Variants in STAP1 observed in about 807,000 individuals in gnomAD.
STAP1 encodes the protein signal transducing adaptor family member 1.
In STAP1, 30 loss-of-function variants were observed where a neutral mutation model predicts 37.8. The observed-to-expected ratio is 0.79, with a 90% confidence interval of 0.59 to 1.08. STAP1 has a LOEUF of 1.08. STAP1 is among the 50% of genes least tolerant of loss of function. The pLI is 0.00. For synonymous variants in STAP1, 130 were observed against 116.0 expected (o/e 1.12, Z -0.78); for missense variants, 357 against 349.4 (o/e 1.02, Z -0.17).
chr4:67,563,335 T>C (rs1374901487), intron 1 of STAP1, among the ~76,000 whole-genome samples: 1 of 152,214 alleles, frequency 6.6e-6, no homozygotes, highest in Non-Finnish European at 1.5e-5. Flanking sequence ...ATGGATCCCA[T>C]TCTAGGCTCT....
chr4:67,593,937 T>C (rs1728172345), intron 8 of STAP1, among the ~76,000 whole-genome samples: 1 of 152,170 alleles, frequency 6.6e-6, no homozygotes, highest in Admixed American at 6.5e-5. Flanking sequence ...TGTTCATAAA[T>C]TAAGAATTTC....
chr4:67,565,542 G>A (rs1309434557), intron 1 of STAP1, among the ~76,000 whole-genome samples: 2 of 152,198 alleles, frequency 1.3e-5, no homozygotes, highest in Non-Finnish European at 2.9e-5. Context: ...TGCCAATAAT[G>A]TGAGTGTTGA....
chr4:67,585,367 A>C (rs1223675226), intron 6 of STAP1, among the ~76,000 whole-genome samples: 1 of 152,260 alleles, frequency 6.6e-6, no homozygotes, highest in Non-Finnish European at 1.5e-5. Context: ...ACTTCCAGAG[A>C]CAAATTTAAA....
chr4:67,575,588 G>A, intron 3 of STAP1, 90 bp downstream of exon 3: 1 of 933,610 alleles, frequency 1.1e-6, no homozygotes, highest in South Asian at 1.6e-5. Context: ...GAAATTGTAA[G>A]ACAGGCTAAG....
At position 67,590,979 on chromosome 4, in the gene STAP1, G is replaced by A. The variant is rs1728108554; in HGVS notation, c.729+26G>A. 4 of 1,584,098 alleles carry A rather than the reference G, an allele frequency of 2.5e-6. No homozygotes were observed. The African/African-American group carries it at 4.0e-5, about 16-fold the overall frequency. On this transcript the variant is annotated intron_variant, in intron 7 of 8. Transcript: ENST00000265404. ...GTAAGTAACTATTTTTGTTGTTGTT[G>A]ATGAACTTCCTCCCGATTCCTTATA...
Position 67,595,372 on chromosome 4 carries a change from CAAAAAAA to C in STAP1, c.826+2039_826+2045del, listed in dbSNP as rs34185676. 3.6e-3 allele frequency among the ~76,000 whole-genome samples: 316 copies of C among 87,792 alleles called. 1 individual carries two copies. The highest frequency in any genetic ancestry group is 0.013 in the African/African-American group (294 of 21,958). The allele number at this position is 87,792 out of a possible 152,430, so 57.6% of individuals were successfully genotyped here. On this transcript the variant is annotated intron_variant, in intron 8 of 8. Coordinates refer to ENST00000265404, the MANE Select transcript of STAP1 (RefSeq NM_012108.4). ...GCAACATAGGGAGACTTCGTTTCTA[CAAAAAAA>C]AAAAAAAAAAAAAAAAAAAAAATGC...
chr4:67,593,531 A>G (rs1242891148), intron 8 of STAP1, among the ~76,000 whole-genome samples, 175 bp downstream of exon 8: 1 of 152,246 alleles, frequency 6.6e-6, no homozygotes, highest in African/African-American at 2.4e-5. Flanking sequence ...GAAAGTACCA[A>G]TATGTATTAT....
At chr4:67,568,324 T>C (rs1727518699) in intron 1 of STAP1, among the ~76,000 whole-genome samples, 1 of 152,216 alleles carries the variant, frequency 6.6e-6, no homozygotes, top group Non-Finnish European at 1.5e-5. Context: ...AATATCATGA[T>C]GGTTCAATAA....
At chr4:67,595,935 C>G (rs1728214721) in intron 8 of STAP1, among the ~76,000 whole-genome samples, 1 of 152,062 alleles carries the variant, frequency 6.6e-6, no homozygotes, top group Non-Finnish European at 1.5e-5. Flanking sequence ...TCCTTGATTT[C>G]TTTCATAGTA....
At chr4:67,599,862 G>C in intron 8 of STAP1, among the ~76,000 whole-genome samples, 1 of 151,870 alleles carries the variant, frequency 6.6e-6, no homozygotes, top group Admixed American at 6.6e-5. Flanking sequence ...GGCTGGTCTC[G>C]AACTCCTGAC....
At chr4:67,575,032 A>G (rs1354411443) in intron 2 of STAP1, among the ~76,000 whole-genome samples, 3 of 152,218 alleles carry the variant, frequency 2.0e-5, no homozygotes, top group African/African-American at 7.2e-5. Flanking sequence ...CATAGAGAAC[A>G]GTAAAATATA....
intron 8 of STAP1, among the ~76,000 whole-genome samples, chr4:67,596,118 G>A (rs1032528693): frequency 3.8e-4 from 57 of 151,682 alleles, no homozygotes; most frequent in Middle Eastern, 3.4e-3. Context: ...AAATGTTGAG[G>A]TAGGGACCTG....
At chr4:67,604,482 T>G (rs546182165) in intron 8 of STAP1, among the ~76,000 whole-genome samples, 2 of 152,328 alleles carry the variant, frequency 1.3e-5, no homozygotes, top group East Asian at 3.9e-4. Flanking sequence ...ATTGGGTTTT[T>G]ATAGCTTTTC....
intron 5 of STAP1, among the ~76,000 whole-genome samples, chr4:67,581,942 A>G (rs978202335): frequency 6.6e-6 from 1 of 152,234 alleles, no homozygotes; most frequent in African/African-American, 2.4e-5. Flanking sequence ...TTGGAAAAAT[A>G]AAGAAGTGCA....
At chr4:67,606,215 A>T in intron 8 of STAP1, 81 bp from the exon 9 acceptor site, 1 of 1,173,582 alleles carries the variant, frequency 8.5e-7, no homozygotes, top group Non-Finnish European at 1.2e-6. Context: ...CGAGCAGGAA[A>T]ATCAACTCAC....
At chr4:67,582,019 TC>T (rs942993394) in intron 5 of STAP1, among the ~76,000 whole-genome samples, 30 of 152,138 alleles carry the variant, frequency 2.0e-4, no homozygotes, top group Non-Finnish European at 2.9e-4. Flanking sequence ...CTGAGCTCTT[TC>T]CTCCTGGAAT....
chr4:67,597,414 G>A (rs765194096), intron 8 of STAP1, among the ~76,000 whole-genome samples: 1 of 152,222 alleles, frequency 6.6e-6, no homozygotes, highest in Non-Finnish European at 1.5e-5. Flanking sequence ...AATGCAGAGG[G>A]GAAATGTAGG....
At chr4:67,566,806 C>T (rs901403141) in intron 1 of STAP1, among the ~76,000 whole-genome samples, 2 of 151,978 alleles carry the variant, frequency 1.3e-5, no homozygotes, top group African/African-American at 4.8e-5. Context: ...TCCGTCTCTA[C>T]TAAAAATATA....
At chr4:67,581,181 G>T (rs905220731) in intron 4 of STAP1, 124 bp from the exon 5 acceptor site, 1 of 897,220 alleles carries the variant, frequency 1.1e-6, no homozygotes, top group East Asian at 2.6e-5. Flanking sequence ...TATTCCCTTA[G>T]TCCCTACTCA....
Sources: allele counts gnomAD v4.1 joint callset (sites outside exome capture counted in the v4.1 genomes callset), GRCh38; gene constraint gnomAD v4.1.1; transcripts MANE v1.5; gene names NCBI Gene and HGNC (gene_info 2026-07-23, HGNC 2026-07-21).